The following PIBF1 variants were observed in gnomAD, a reference collection of about 807,000 sequenced individuals.
The protein encoded by PIBF1 is progesterone immunomodulatory binding factor 1, also known as progesterone-induced-blocking factor 1.
A neutral mutation model predicts 112.5 loss-of-function variants in PIBF1; 90 were observed. The ratio of observed to expected loss-of-function variants is 0.80; its 90% CI spans 0.67 to 0.95. The LOEUF (loss-of-function observed/expected upper bound fraction) is 0.95, where lower values mean the gene tolerates loss of function less well. Among genes scored for constraint, PIBF1 ranks in the 40% least tolerant of loss-of-function variants. The pLI is 0.00. For synonymous variants in PIBF1, 301 were observed against 288.6 expected (o/e 1.04, Z -0.44); for missense variants, 915 against 852.3 (o/e 1.07, Z -0.92).
chr13:72,969,791 C>T (rs1407912043), intron 15 of PIBF1: 1 of 152,042 alleles, frequency 6.6e-6, no homozygotes, highest in Non-Finnish European at 1.5e-5. Flanking sequence ...AATATGAACC[C>T]GAAGGGGTAG....
intron 1 of PIBF1, 23 bp from the exon 2 acceptor site, chr13:72,783,400 A>G (rs2034407019): frequency 9.7e-7 from 1 of 1,026,156 alleles, no homozygotes. Context: ...AGTACATTTG[A>G]ATTAATGTTT....
chr13:72,795,338 A>G (rs1297077713), intron 3 of PIBF1, 21 bp from the exon 4 acceptor site: 12 of 1,457,546 alleles, frequency 8.2e-6, no homozygotes, highest in Non-Finnish European at 9.5e-6. Flanking sequence ...AAAGCCTGCC[A>G]TAAATTCTCT....
At chr13:72,902,199 A>G (rs1390778879) in intron 11 of PIBF1, among the ~76,000 whole-genome samples, 1 of 152,182 alleles carries the variant, frequency 6.6e-6, no homozygotes, top group Non-Finnish European at 1.5e-5. Flanking sequence ...ACGCAAAGGC[A>G]TGAGAATGAT....
intron 10 of PIBF1, among the ~76,000 whole-genome samples, chr13:72,855,786 C>G: frequency 6.6e-6 from 1 of 152,246 alleles, no homozygotes; most frequent in African/African-American, 2.4e-5. Flanking sequence ...CTTCCACTTA[C>G]AAAACTATAT....
chr13:72,821,762 C>T, intron 5 of PIBF1, 87 bp from the exon 6 acceptor site: 1 of 934,636 alleles, frequency 1.1e-6, no homozygotes, highest in Non-Finnish European at 1.5e-6. Context: ...AGGACAATCA[C>T]AGCTTAACAG....
intron 17 of PIBF1, among the ~76,000 whole-genome samples, chr13:73,014,171 G>A (rs1170507830): frequency 6.7e-6 from 1 of 150,134 alleles, no homozygotes; most frequent in African/African-American, 2.4e-5. Context: ...ATGGAGTTTT[G>A]CCATGTTGCA....
chr13:72,977,269 A>C (rs2043046203), intron 16 of PIBF1, among the ~76,000 whole-genome samples: 4 of 152,114 alleles, frequency 2.6e-5, no homozygotes. Context: ...CAGTGGCGCT[A>C]TTTCGGCTCA....
chr13:72,981,148 G>A (rs187641403), intron 16 of PIBF1, among the ~76,000 whole-genome samples: 216 of 151,696 alleles, frequency 1.4e-3, no homozygotes, highest in Middle Eastern at 3.4e-3. Context: ...GGGAGCCTGC[G>A]GCAGGAGAAT....
chr13:72,904,346 AT>A (rs778077464), intron 11 of PIBF1, among the ~76,000 whole-genome samples: 35 of 151,602 alleles, frequency 2.3e-4, no homozygotes, highest in Non-Finnish European at 3.5e-4. Context: ...TACAGGATAA[AT>A]ATCATAAAAT....
intron 14 of PIBF1, among the ~76,000 whole-genome samples, chr13:72,931,820 C>G (rs1433611298): frequency 6.8e-6 from 1 of 146,380 alleles, no homozygotes; most frequent in African/African-American, 2.5e-5. Flanking sequence ...TTTTGAAATG[C>G]GAGTCATAAA....
chr13:72,914,239 A>G (rs1171513386), intron 12 of PIBF1, among the ~76,000 whole-genome samples: 1 of 152,212 alleles, frequency 6.6e-6, no homozygotes, highest in African/African-American at 2.4e-5. Flanking sequence ...ATAGCAAATT[A>G]AAGTATCTTA....
intron 5 of PIBF1, among the ~76,000 whole-genome samples, chr13:72,811,881 A>G (rs1221493062): frequency 2.6e-5 from 4 of 152,198 alleles, no homozygotes; most frequent in African/African-American, 9.6e-5. Context: ...AATGAATGCA[A>G]TTTTAAGTAC....
At chr13:72,971,251 A>G (rs1228891494) in intron 15 of PIBF1, among the ~76,000 whole-genome samples, 2 of 151,810 alleles carry the variant, frequency 1.3e-5, no homozygotes, top group African/African-American at 4.8e-5. Flanking sequence ...ATATGCTTAT[A>G]TACCGTGGTT....
intron 5 of PIBF1, among the ~76,000 whole-genome samples, chr13:72,820,681 A>G (rs2138117587): frequency 6.6e-6 from 1 of 152,314 alleles, no homozygotes; most frequent in South Asian, 2.1e-4. Flanking sequence ...TCACACAGAA[A>G]TGATCCAGTC....
At chr13:72,818,678 C>CTTTTTTTT (rs3077726) in intron 5 of PIBF1, among the ~76,000 whole-genome samples, 53 of 80,396 alleles carry the variant, frequency 6.6e-4, no homozygotes, top group African/African-American at 9.1e-4. Context: ...CAGTCTTAAA[C>CTTTTTTTT]TTTTTTTTTT....
At chr13:72,969,650 T>C (rs2138928128) in intron 15 of PIBF1, 1 of 152,308 alleles carries the variant, frequency 6.6e-6, no homozygotes, top group East Asian at 1.9e-4. Context: ...CAGTTCTGTA[T>C]ACCCACATTC....
intron 14 of PIBF1, among the ~76,000 whole-genome samples, chr13:72,963,647 C>A (rs946986032): frequency 3.3e-5 from 5 of 151,788 alleles, no homozygotes; most frequent in Non-Finnish European, 5.9e-5. Flanking sequence ...AAAAGACAAC[C>A]CACAAAATGG....
chr13:72,979,412 G>C (rs886367002), intron 16 of PIBF1, among the ~76,000 whole-genome samples: 4 of 152,162 alleles, frequency 2.6e-5, no homozygotes, highest in African/African-American at 7.2e-5. Flanking sequence ...AGTAGGAAAA[G>C]TATCTTTCAT....
rs557371613 is a variant in PIBF1 at position 72,959,647 on chromosome 13, A to T, written c.1834-5627A>T. Among the ~76,000 whole-genome samples the T allele has an allele frequency of 4.6e-5, 7 of 152,318 alleles. No homozygotes were observed. In the South Asian group the frequency reaches 1.5e-3, roughly 32 times the overall value. ...CATGCAGCAAAATGTAGTCACCTTT[A>T]TATTAGTTTATTTGAATTTTAAGAG... On this transcript the variant is annotated intron_variant, in intron 14 of 17. Transcript: ENST00000326291.
Sources: gnomAD v4.1 joint callset for allele counts (sites outside exome capture counted in the v4.1 genomes callset) on GRCh38, gnomAD v4.1.1 for gene constraint, MANE v1.5 for transcripts, NCBI Gene and HGNC (gene_info 2026-07-23, HGNC 2026-07-21) for gene names.